The following RAB7A variants were observed in gnomAD, a reference collection of about 807,000 sequenced individuals.
The protein encoded by RAB7A is RAB7A, member RAS oncogene family.
Under a neutral mutation model 24.5 loss-of-function variants are expected in RAB7A, and 2 were observed. That is an observed-to-expected ratio of 0.08 (90% CI 0.03 to 0.26). RAB7A has a LOEUF of 0.26. Among genes scored for constraint, RAB7A ranks in the 10% least tolerant of loss-of-function variants. The pLI, the probability that RAB7A is intolerant of heterozygous loss-of-function variation, is 1.00. For missense variants in RAB7A, 118 were observed against 255.7 expected, an observed-to-expected ratio of 0.46 and a Z score of 3.67; for synonymous variants, 100 against 95.9, an observed-to-expected ratio of 1.04 and a Z score of -0.25.
chr3:128,809,488 CCT>C (rs1174398833), intron 5 of RAB7A, among the ~76,000 whole-genome samples: 2 of 152,140 alleles, frequency 1.3e-5, no homozygotes, highest in African/African-American at 2.4e-5. Flanking sequence ...CATGGTTGGG[CCT>C]CTCTCAGTTC....
rs1487053498 is a variant in RAB7A at position 128,806,437 on chromosome 3, C to T, written c.246C>T (p.Asp82=). 1 of 1,614,064 alleles carries T rather than the reference C, an allele frequency of 6.2e-7. No homozygotes were observed. The highest frequency in any genetic ancestry group is 2.2e-5 in the East Asian group (1 of 44,888). ...SLGVAFYRGA[D]CCVLVFDVTA... ...GTGTGGCCTTCTACAGAGGTGCAGA[C>T]TGCTGCGTTCTGGTATTTGATGTGA... The change falls in exon 4 of 6, where the codon GAC becomes GAT. Residue 82 remains aspartate, a synonymous_variant. Coordinates refer to ENST00000265062, the MANE Select transcript of RAB7A (RefSeq NM_004637.6).
At chr3:128,789,950 G>A (rs560423189) in intron 1 of RAB7A, among the ~76,000 whole-genome samples, 13 of 151,808 alleles carry the variant, frequency 8.6e-5, no homozygotes, top group Non-Finnish European at 1.6e-4. Flanking sequence ...GCCACCACGC[G>A]CAGCTTAATT....
At chr3:128,802,554 A>G (rs1176302204) in intron 3 of RAB7A, among the ~76,000 whole-genome samples, 1 of 152,116 alleles carries the variant, frequency 6.6e-6, no homozygotes, top group African/African-American at 2.4e-5. Context: ...TCTGTCGCCC[A>G]GGCTGGAGTG....
At chr3:128,802,150 A>G (rs1038818958) in intron 3 of RAB7A, among the ~76,000 whole-genome samples, 1 of 152,262 alleles carries the variant, frequency 6.6e-6, no homozygotes, top group Non-Finnish European at 1.5e-5. Flanking sequence ...GTATACTTGT[A>G]TCTATTTTTG....
intron 1 of RAB7A, among the ~76,000 whole-genome samples, chr3:128,758,343 G>T (rs1289166876): frequency 6.6e-6 from 1 of 150,760 alleles, no homozygotes; most frequent in Admixed American, 6.6e-5. Flanking sequence ...CGCTATCTCG[G>T]CTCACTGCAA....
intron 1 of RAB7A, among the ~76,000 whole-genome samples, chr3:128,770,005 C>CTTTTTT (rs766245243): frequency 7.1e-6 from 1 of 140,782 alleles, no homozygotes. Flanking sequence ...TTCCTTTTTT[C>CTTTTTT]TTTTTTTTTT....
intron 1 of RAB7A, among the ~76,000 whole-genome samples, chr3:128,752,738 C>CT (rs11421152): frequency 0.34 from 45,639 of 134,128 alleles, 8,194 homozygotes; most frequent in East Asian, 0.56. Flanking sequence ...AGCTTTTCCT[C>CT]TTTTTTTTTT....
chr3:128,795,566 T>C, intron 2 of RAB7A, 146 bp downstream of exon 2: 1 of 765,774 alleles, frequency 1.3e-6, no homozygotes, highest in South Asian at 1.4e-5. Context: ...GAAATTTAGA[T>C]GATCCCTTGT....
chr3:128,742,057 G>A (rs1412847932), intron 1 of RAB7A, among the ~76,000 whole-genome samples: 1 of 152,126 alleles, frequency 6.6e-6, no homozygotes, highest in African/African-American at 2.4e-5. Flanking sequence ...CGTGTCCAGA[G>A]TTTCTTCCTT....
chr3:128,789,919 T>C (rs748478158), intron 1 of RAB7A, among the ~76,000 whole-genome samples: 7 of 151,956 alleles, frequency 4.6e-5, no homozygotes, highest in Non-Finnish European at 7.4e-5. Flanking sequence ...GCCTCCCAAG[T>C]AGCTGAGATT....
At chr3:128,743,185 C>T (rs2070572377) in intron 1 of RAB7A, among the ~76,000 whole-genome samples, 1 of 152,236 alleles carries the variant, frequency 6.6e-6, no homozygotes, top group Non-Finnish European at 1.5e-5. Flanking sequence ...CCTCACTGCC[C>T]CAGGCCGGTG....
At chr3:128,747,339 C>A (rs947972333) in intron 1 of RAB7A, among the ~76,000 whole-genome samples, 1 of 151,472 alleles carries the variant, frequency 6.6e-6, no homozygotes, top group African/African-American at 2.4e-5. Flanking sequence ...GTAATCCCAG[C>A]ACTTTGGGAG....
chr3:128,764,907 G>A (rs1361831522), intron 1 of RAB7A: 29 of 1,546,498 alleles, frequency 1.9e-5, no homozygotes, highest in South Asian at 8.9e-5. Context: ...TGTAAGACAC[G>A]GACAGGTAAA....
chr3:128,807,510 A>G (rs760310023), intron 4 of RAB7A, 33 bp from the exon 5 acceptor site: 26 of 1,613,158 alleles, frequency 1.6e-5, no homozygotes, highest in Non-Finnish European at 2.0e-5. Context: ...TGCTTCTGTC[A>G]TGAGCCTATG....
At chr3:128,728,705 G>A (rs1309847958) in intron 1 of RAB7A, among the ~76,000 whole-genome samples, 1 of 152,116 alleles carries the variant, frequency 6.6e-6, no homozygotes, top group Non-Finnish European at 1.5e-5. Context: ...CAGGTGATCC[G>A]CCTGTCTCGG....
At chr3:128,740,944 ATAGAT>A (rs1336306131) in intron 1 of RAB7A, among the ~76,000 whole-genome samples, 5 of 146,686 alleles carry the variant, frequency 3.4e-5, no homozygotes, top group Non-Finnish European at 1.5e-5. Context: ...TCTTTGTTTG[ATAGAT>A]TAAACTAGAA....
chr3:128,741,073 T>A (rs187755349), intron 1 of RAB7A, among the ~76,000 whole-genome samples: 2 of 151,812 alleles, frequency 1.3e-5, no homozygotes, highest in Admixed American at 1.3e-4. Context: ...ATACTTAAAA[T>A]TTTTTTTAAC....
chr3:128,808,651 G>A (rs1933854569), intron 5 of RAB7A, among the ~76,000 whole-genome samples: 1 of 152,210 alleles, frequency 6.6e-6, no homozygotes, highest in Non-Finnish European at 1.5e-5. Flanking sequence ...CTGTTTTGAT[G>A]TACAGCTCTG....
chr3:128,752,910 A>G (rs556440895), intron 1 of RAB7A, among the ~76,000 whole-genome samples: 12 of 152,232 alleles, frequency 7.9e-5, no homozygotes, highest in African/African-American at 2.6e-4. Flanking sequence ...AAAATATTCA[A>G]TACCTTTTTC....
Sources: gnomAD v4.1 joint callset for allele counts (sites outside exome capture counted in the v4.1 genomes callset) on GRCh38, gnomAD v4.1.1 for gene constraint, MANE v1.5 for transcripts, NCBI Gene and HGNC (gene_info 2026-07-23, HGNC 2026-07-21) for gene names.